PTPRD: variants seen among roughly 807,000 people sequenced by gnomAD.
PTPRD encodes receptor-type tyrosine-protein phosphatase delta.
PTPRD carries 34 observed loss-of-function variants against 214.5 expected under a neutral mutation model. The ratio of observed to expected loss-of-function variants is 0.16; its 90% CI spans 0.12 to 0.21. The LOEUF (loss-of-function observed/expected upper bound fraction) is 0.21, where lower values mean the gene tolerates loss of function less well. PTPRD is among the 10% of genes least tolerant of loss of function. PTPRD has a pLI of 1.00. For missense variants in PTPRD, 2,545 were observed against 2,398.7 expected (o/e 1.06, Z -1.27); for synonymous variants, 1,128 against 845.7 (o/e 1.33, Z -5.79).
intron 5 of PTPRD, among the ~76,000 whole-genome samples, chr9:9,810,329 C>A (rs1453754532): frequency 1.3e-5 from 2 of 151,918 alleles, no homozygotes; most frequent in Non-Finnish European, 1.5e-5. Flanking sequence ...AAAAAGGATG[C>A]CATCTAGCAC....
intron 35 of PTPRD, among the ~76,000 whole-genome samples, chr9:8,414,208 T>A (rs554247649): frequency 1.2e-3 from 175 of 151,544 alleles, no homozygotes; most frequent in South Asian, 8.4e-4. Context: ...AAAAAAAAAA[T>A]TTAAATAAAC....
At chr9:10,151,185 C>T (rs1454888851) in intron 3 of PTPRD, among the ~76,000 whole-genome samples, 12 of 144,812 alleles carry the variant, frequency 8.3e-5, no homozygotes, top group Non-Finnish European at 1.6e-4. Context: ...CTCAGCCTCC[C>T]GAGTAGCTGG....
chr9:9,867,072 G>T (rs571254546), intron 5 of PTPRD, among the ~76,000 whole-genome samples: 2 of 152,148 alleles, frequency 1.3e-5, no homozygotes, highest in South Asian at 4.1e-4. Context: ...CAAACAAAAG[G>T]GTTTCTTTAC....
chr9:9,505,626 C>G (rs1343339520), intron 8 of PTPRD, among the ~76,000 whole-genome samples: 1 of 151,362 alleles, frequency 6.6e-6, no homozygotes, highest in Non-Finnish European at 1.5e-5. Flanking sequence ...ATACTGCATT[C>G]TATGATAGGT....
At chr9:8,472,250 G>A (rs560991885) in intron 30 of PTPRD, among the ~76,000 whole-genome samples, 1 of 152,210 alleles carries the variant, frequency 6.6e-6, no homozygotes, top group Non-Finnish European at 1.5e-5. Context: ...ACTTCGTGGA[G>A]ATTTACTGTG....
intron 9 of PTPRD, among the ~76,000 whole-genome samples, chr9:9,195,670 C>T (rs2028780): frequency 0.75 from 114,027 of 151,178 alleles, 43,307 homozygotes; most frequent in East Asian, 1. Context: ...TTGTTGCTTT[C>T]AGCTAGACCC....
chr9:9,223,322 A>G (rs551236273), intron 9 of PTPRD, among the ~76,000 whole-genome samples: 1 of 152,054 alleles, frequency 6.6e-6, no homozygotes, highest in East Asian at 1.9e-4. Context: ...ACCACACCCC[A>G]CTGAGCTGCC....
At chr9:8,699,313 A>G (rs2098015283) in intron 12 of PTPRD, among the ~76,000 whole-genome samples, 1 of 152,208 alleles carries the variant, frequency 6.6e-6, no homozygotes, top group Non-Finnish European at 1.5e-5. Context: ...ATCCCCACAG[A>G]AAGATGAGGC....
intron 12 of PTPRD, 110 bp downstream of exon 12, chr9:8,733,670 A>T: frequency 8.7e-7 from 1 of 1,148,948 alleles, no homozygotes; most frequent in Non-Finnish European, 1.3e-6. Flanking sequence ...GCAGTGTCTC[A>T]GGATTTACTT....
At chr9:9,303,341 T>C (rs1253202562) in intron 9 of PTPRD, among the ~76,000 whole-genome samples, 1 of 151,980 alleles carries the variant, frequency 6.6e-6, no homozygotes, top group Non-Finnish European at 1.5e-5. Flanking sequence ...AAAAATCACA[T>C]ATGGGGAATA....
intron 3 of PTPRD, among the ~76,000 whole-genome samples, chr9:10,080,275 C>T (rs1255203735): frequency 6.6e-6 from 1 of 152,008 alleles, no homozygotes; most frequent in East Asian, 1.9e-4. Context: ...CAGGAGCAGG[C>T]AAACCCAAAA....
intron 8 of PTPRD, among the ~76,000 whole-genome samples, chr9:9,422,928 T>C (rs1242246424): frequency 6.6e-6 from 1 of 152,114 alleles, no homozygotes; most frequent in African/African-American, 2.4e-5. Flanking sequence ...AAAATTAGAT[T>C]TGAGAGCCCA....
chr9:9,693,103 C>T (rs2097304072), intron 7 of PTPRD, among the ~76,000 whole-genome samples: 1 of 151,558 alleles, frequency 6.6e-6, no homozygotes, highest in African/African-American at 2.4e-5. Flanking sequence ...AATTTGGATG[C>T]CCTTTATTTC....
At chr9:9,583,383 G>A (rs1156629348) in intron 7 of PTPRD, among the ~76,000 whole-genome samples, 3 of 152,086 alleles carry the variant, frequency 2.0e-5, no homozygotes, top group Admixed American at 6.6e-5. Flanking sequence ...TTATTAAAAT[G>A]TTTGATGCTG....
At chr9:9,970,243 G>T (rs539494979) in intron 4 of PTPRD, among the ~76,000 whole-genome samples, 5 of 152,014 alleles carry the variant, frequency 3.3e-5, no homozygotes, top group Admixed American at 3.3e-4. Context: ...GAGGTCAGGA[G>T]ATCGAGACCA....
At chr9:8,953,728 C>G (rs1015980516) in intron 11 of PTPRD, among the ~76,000 whole-genome samples, 7 of 151,978 alleles carry the variant, frequency 4.6e-5, no homozygotes, top group African/African-American at 1.7e-4. Context: ...ATACAAGCAA[C>G]CCACAAACAT....
At chr9:10,469,534 C>A (rs1217061357) in intron 2 of PTPRD, among the ~76,000 whole-genome samples, 1 of 151,924 alleles carries the variant, frequency 6.6e-6, no homozygotes, top group Admixed American at 6.6e-5. Flanking sequence ...AAAGCTCACA[C>A]TAAAGTTCAG....
chr9:10,543,805 A>C (rs1590489948), intron 2 of PTPRD, among the ~76,000 whole-genome samples: 1 of 152,354 alleles, frequency 6.6e-6, no homozygotes, highest in African/African-American at 2.4e-5. Context: ...AGTAGTATAT[A>C]ACCACAATGC....
intron 7 of PTPRD, among the ~76,000 whole-genome samples, chr9:9,662,537 T>A (rs913447738): frequency 6.6e-6 from 1 of 151,686 alleles, no homozygotes; most frequent in African/African-American, 2.4e-5. Context: ...TTTATGACAT[T>A]TGAAGCAATA....
Sources: allele counts gnomAD v4.1 joint callset (sites outside exome capture counted in the v4.1 genomes callset), GRCh38; gene constraint gnomAD v4.1.1; transcripts MANE v1.5; gene names NCBI Gene and HGNC (gene_info 2026-07-23, HGNC 2026-07-21).